ARHGEF7: variants seen among roughly 807,000 people sequenced by gnomAD.
ARHGEF7 encodes PAK-interacting exchange factor beta.
In ARHGEF7, 33 loss-of-function variants were observed where a neutral mutation model predicts 109.8. That is an observed-to-expected ratio of 0.30 (90% confidence interval 0.23 to 0.40). The LOEUF (loss-of-function observed/expected upper bound fraction) is 0.40, where lower values mean the gene tolerates loss of function less well. ARHGEF7 is among the 10% of genes least tolerant of loss of function. The pLI is 1.00. For missense variants in ARHGEF7, 938 were observed against 1,098.5 expected, an observed-to-expected ratio of 0.85 and a Z score of 2.07; for synonymous variants, 458 against 424.6, an observed-to-expected ratio of 1.08 and a Z score of -0.97.
intron 2 of ARHGEF7, among the ~76,000 whole-genome samples, chr13:111,174,508 G>T (rs940593762): frequency 1.3e-5 from 2 of 152,014 alleles, no homozygotes; most frequent in African/African-American, 4.8e-5. Flanking sequence ...CACCTTTCTC[G>T]CAGTCTTGCT....
At chr13:111,238,328 AT>A (rs2087127778) in intron 6 of ARHGEF7, among the ~76,000 whole-genome samples, 1 of 152,172 alleles carries the variant, frequency 6.6e-6, no homozygotes, top group Non-Finnish European at 1.5e-5. Context: ...CATTTGTAAA[AT>A]GAGATTGGTA....
intron 4 of ARHGEF7, among the ~76,000 whole-genome samples, chr13:111,216,980 T>G (rs1253297508): frequency 6.6e-6 from 1 of 152,260 alleles, no homozygotes; most frequent in African/African-American, 2.4e-5. Context: ...CTGTTTCTTG[T>G]CAGTTTGGCA....
chr13:111,246,581 G>C (rs778921307), intron 8 of ARHGEF7, among the ~76,000 whole-genome samples: 2 of 152,178 alleles, frequency 1.3e-5, no homozygotes, highest in Non-Finnish European at 2.9e-5. Context: ...ATATTCTATA[G>C]AACTTAAGAC....
chr13:111,115,986 C>G (rs1269613796), intron 1 of ARHGEF7, among the ~76,000 whole-genome samples: 1 of 151,748 alleles, frequency 6.6e-6, no homozygotes, highest in Non-Finnish European at 1.5e-5. Context: ...CTGCGCCGCC[C>G]GAACGCTAAG....
chr13:111,280,217 T>C, intron 13 of ARHGEF7, 55 bp from the exon 14 acceptor site: 1 of 1,531,876 alleles, frequency 6.5e-7, no homozygotes, highest in Non-Finnish European at 8.9e-7. Flanking sequence ...TAATGGTACC[T>C]TTTTCTAGAA....
In ARHGEF7 at chr13:111,283,261, C is replaced by A; in HGVS notation, c.1848C>A (p.Asn616Lys). Residue 616 changes from asparagine to lysine, a missense_variant, in exon 16 of 22, where the codon AAC (asparagine) becomes AAA (lysine). Physicochemically the swap from Asn to Lys is moderately conservative, Grantham distance 94 (BLOSUM62 0). Coordinates refer to ENST00000646102, the MANE Select transcript of ARHGEF7 (RefSeq NM_001354046.2). ...ACGGCACCCCGCACACCACCATCAA[C>A]TGGGGACCCCTGGAGCCTCCGAAAA... is the stretch of plus-strand genomic sequence containing the variant. ...SHHGTPHTTI[N>K]WGPLEPPKTP... 9 of 1,583,248 alleles carry A rather than the reference C, an allele frequency of 5.7e-6. No homozygotes were observed. Among genetic ancestry groups the A allele is most frequent in the Non-Finnish European group, 7.7e-6 (9 of 1,167,752 alleles).
chr13:111,151,082 T>TA lies in ARHGEF7; in HGVS notation c.166-2820dup, dbSNP rs552883062. ...CTGTACACCATCAGAGGTTTGCACT[T>TA]AAAGTCGCCCTTGGCATTGGTGCAC... On this transcript the variant is annotated intron_variant, in intron 1 of 21. Transcript: ENST00000646102. 3.4e-3 allele frequency among the ~76,000 whole-genome samples: 516 copies of TA among 152,322 alleles called. 4 individuals are homozygous for TA. Among genetic ancestry groups the TA allele is most frequent in the Non-Finnish European group, 6.1e-3 (416 of 68,024 alleles).
chr13:111,182,837 A>G (rs2078895141), intron 2 of ARHGEF7: 2 of 152,246 alleles, frequency 1.3e-5, no homozygotes, highest in Admixed American at 1.3e-4. Flanking sequence ...ATGCACATTC[A>G]GTAGAAACAG....
At chr13:111,282,745 A>G (rs1456753769) in intron 15 of ARHGEF7, 4 of 225,142 alleles carry the variant, frequency 1.8e-5, no homozygotes, top group South Asian at 9.3e-5. Context: ...CTGGGGGGGA[A>G]TCACCTTCCT....
chr13:111,140,037 CTATATTACTTTTTGG>C (rs1358071420), intron 1 of ARHGEF7, among the ~76,000 whole-genome samples: 5 of 152,246 alleles, frequency 3.3e-5, no homozygotes, highest in African/African-American at 1.2e-4. Context: ...ATTAGACCAA[CTATATTACTTTTTGG>C]TATATTACTT....
chr13:111,293,156 A>G (rs1482930754), intron 19 of ARHGEF7: 2 of 985,316 alleles, frequency 2.0e-6, no homozygotes, highest in Non-Finnish European at 2.4e-6. Flanking sequence ...CCGAAAGCTG[A>G]AGCATTCAGC....
At chr13:111,245,451 A>C (rs1373463552) in intron 8 of ARHGEF7, among the ~76,000 whole-genome samples, 1 of 152,204 alleles carries the variant, frequency 6.6e-6, no homozygotes. Context: ...CGCTCAGCTC[A>C]TGAGGTACCC....
At chr13:111,147,396 AGT>A (rs1244637703) in intron 1 of ARHGEF7, among the ~76,000 whole-genome samples, 2 of 152,222 alleles carry the variant, frequency 1.3e-5, no homozygotes, top group African/African-American at 4.8e-5. Flanking sequence ...GGTGGGGTGC[AGT>A]GTTATCTGTG....
rs145643275 is a variant in ARHGEF7, at chr13:111,131,839, A to C, written c.165+16148A>C. On this transcript the variant is annotated intron_variant, in intron 1 of 21. Transcript: ENST00000646102. This position sits in a 1 kb window ranked among gnomAD's most constrained non-coding sequence, Gnocchi z 4.4. The stretch of plus-strand genomic sequence containing the variant: ...GCCAGCACACACCCAGAGCCCACAT[A>C]CTGGAGCAATGCAGGCATGCCCAGG... Among the ~76,000 whole-genome samples, 5 of 152,290 alleles carry C rather than the reference A, an allele frequency of 3.3e-5. No individual in the cohort carries two copies. Among genetic ancestry groups the C allele is most frequent in the African/African-American group, 9.6e-5 (4 of 41,560 alleles).
intron 2 of ARHGEF7, among the ~76,000 whole-genome samples, chr13:111,178,375 A>G (rs1004578461): frequency 6.6e-6 from 1 of 152,164 alleles, no homozygotes; most frequent in Non-Finnish European, 1.5e-5. Flanking sequence ...TCTTATCCAA[A>G]ATATGTGTTT....
chr13:111,295,288 C>A, intron 19 of ARHGEF7: 2 of 778,816 alleles, frequency 2.6e-6, no homozygotes, highest in Non-Finnish European at 3.1e-6. Flanking sequence ...GAACATCTTC[C>A]AAAGGCAGGC....
intron 1 of ARHGEF7, among the ~76,000 whole-genome samples, chr13:111,122,242 C>T (rs2067246307): frequency 6.6e-6 from 1 of 152,092 alleles, no homozygotes; most frequent in South Asian, 2.1e-4. Flanking sequence ...GAGGGCTGAG[C>T]GGGTGGACTC....
At chr13:111,264,493 A>G (rs2091417372) in intron 8 of ARHGEF7, among the ~76,000 whole-genome samples, 1 of 152,152 alleles carries the variant, frequency 6.6e-6, no homozygotes. Flanking sequence ...ACCGACAGGA[A>G]GACTTGTGCA....
At chr13:111,144,974 C>CTTGCAGAG (rs2075517062) in intron 1 of ARHGEF7, among the ~76,000 whole-genome samples, 1 of 152,132 alleles carries the variant, frequency 6.6e-6, no homozygotes, top group Admixed American at 6.5e-5. Context: ...TGTTAAGTGG[C>CTTGCAGAG]ATATGCTTGC....
Sources: allele counts gnomAD v4.1 joint callset (sites outside exome capture counted in the v4.1 genomes callset), GRCh38; gene constraint gnomAD v4.1.1; non-coding constraint Gnocchi (gnomAD v3.1); transcripts MANE v1.5; gene names NCBI Gene and HGNC (gene_info 2026-07-23, HGNC 2026-07-21).